Variants in DNAJB6 observed in about 807,000 individuals in gnomAD.
DNAJB6 encodes the protein DnaJ heat shock protein family (Hsp40) member B6, also known as dnaJ homolog subfamily B member 6.
A neutral mutation model predicts 42.7 loss-of-function variants in DNAJB6; 16 were observed. That is an observed-to-expected ratio of 0.37 (90% CI 0.25 to 0.57). DNAJB6 has a LOEUF of 0.57. Ranked by LOEUF, DNAJB6 falls within the 20% of genes least tolerant of loss-of-function variation. The pLI, the probability that DNAJB6 is intolerant of heterozygous loss-of-function variation, is 0.74. For synonymous variants in DNAJB6, 170 were observed against 163.5 expected, an observed-to-expected ratio of 1.04 and a Z score of -0.30; for missense variants, 347 against 416.8, an observed-to-expected ratio of 0.83 and a Z score of 1.46.
chr7:157,388,510 A>G (rs377316446), intron 8 of DNAJB6, among the ~76,000 whole-genome samples: 14 of 152,272 alleles, frequency 9.2e-5, no homozygotes, highest in African/African-American at 3.1e-4. Flanking sequence ...GCACAGCCCC[A>G]TGTGGTCCCA....
At chr7:157,348,381 A>G (rs965943861) in intron 1 of DNAJB6, among the ~76,000 whole-genome samples, 1 of 152,214 alleles carries the variant, frequency 6.6e-6, no homozygotes, top group Non-Finnish European at 1.5e-5. Flanking sequence ...GGCATGAGCC[A>G]CTGCGCCCAG....
intron 8 of DNAJB6, among the ~76,000 whole-genome samples, chr7:157,395,154 C>T (rs1419444127): frequency 1.3e-5 from 2 of 152,170 alleles, no homozygotes; most frequent in Admixed American, 6.5e-5. Context: ...GTTTGTCTTC[C>T]CCATCCGGTA....
At chr7:157,411,285 G>GA (rs1200100673) in intron 9 of DNAJB6, 1 of 31,798 alleles carries the variant, frequency 3.1e-5, no homozygotes, top group African/African-American at 1.1e-4. Context: ...GCGTGGGGAA[G>GA]GTTCCCAGGA....
intron 1 of DNAJB6, among the ~76,000 whole-genome samples, chr7:157,357,801 A>G (rs528651936): frequency 7.2e-5 from 11 of 152,326 alleles, no homozygotes; most frequent in African/African-American, 2.6e-4. Context: ...TGCCCGGGGA[A>G]GTAACAAGGT....
At chr7:157,390,600 TGTG>T (rs1196697468) in intron 8 of DNAJB6, among the ~76,000 whole-genome samples, 1 of 152,124 alleles carries the variant, frequency 6.6e-6, no homozygotes, top group African/African-American at 2.4e-5. Context: ...GTTGCAGAAA[TGTG>T]GGGTGGAGCC....
intron 1 of DNAJB6, among the ~76,000 whole-genome samples, chr7:157,354,356 A>C (rs1799165096): frequency 6.6e-6 from 1 of 152,138 alleles, no homozygotes; most frequent in South Asian, 2.1e-4. Context: ...CATGTTGATC[A>C]GGCTGGTCTC....
intron 1 of DNAJB6, among the ~76,000 whole-genome samples, chr7:157,338,866 G>C (rs1052125548): frequency 5.3e-5 from 8 of 152,182 alleles, no homozygotes; most frequent in Non-Finnish European, 1.0e-4. Context: ...GGAAGCTTTT[G>C]GAAAGTGTCC....
rs111565097 is a variant in DNAJB6 at position 157,396,979 on chromosome 7, A to C, written c.691+11368A>C. On this transcript the variant is annotated intron_variant, in intron 8 of 9. Coordinates refer to ENST00000262177, the MANE Select transcript of DNAJB6 (RefSeq NM_058246.4). Reference sequence around the variant, plus strand: ...TGCCACGGGACGTGATGCCAGTGGTAGCTGAATGTGCCTCACTCCAGGTCC... The same window carrying C: ...TGCCACGGGACGTGATGCCAGTGGTCGCTGAATGTGCCTCACTCCAGGTCC... Among the ~76,000 whole-genome samples the C allele has an allele frequency of 2.1e-3, 321 of 152,324 alleles. 1 individual carries two copies. The highest frequency in any genetic ancestry group is 7.3e-3 in the African/African-American group (305 of 41,562).
intron 8 of DNAJB6, among the ~76,000 whole-genome samples, chr7:157,397,194 C>T (rs900867859): frequency 3.9e-5 from 6 of 152,218 alleles, no homozygotes; most frequent in Non-Finnish European, 5.9e-5. Flanking sequence ...ACCCGAGCGG[C>T]GTGCTTCCTG....
At chr7:157,367,965 A>C (rs182205975) in intron 5 of DNAJB6, among the ~76,000 whole-genome samples, 256 of 151,868 alleles carry the variant, frequency 1.7e-3, no homozygotes, top group Middle Eastern at 3.4e-3. Context: ...ACAACAACAA[A>C]AAAAATACTA....
intron 5 of DNAJB6, among the ~76,000 whole-genome samples, chr7:157,377,452 A>T (rs568848193): frequency 2.0e-5 from 3 of 152,224 alleles, no homozygotes; most frequent in East Asian, 3.9e-4. Flanking sequence ...ATGAGCATAC[A>T]TGTTTTGCTT....
At chr7:157,344,998 T>A (rs914525579) in intron 1 of DNAJB6, among the ~76,000 whole-genome samples, 2 of 152,150 alleles carry the variant, frequency 1.3e-5, no homozygotes, top group Non-Finnish European at 2.9e-5. Flanking sequence ...TATTTTTATT[T>A]ATTTTATTTT....
chr7:157,399,703 C>T (rs1584942036), intron 8 of DNAJB6, among the ~76,000 whole-genome samples: 1 of 152,136 alleles, frequency 6.6e-6, no homozygotes, highest in African/African-American at 2.4e-5. Flanking sequence ...GAGTCTCGCC[C>T]TGTCGCCCAA....
rs1369818007 is a variant in DNAJB6, at chr7:157,416,747, C to G, written c.*649C>G. On this transcript the variant is annotated 3_prime_UTR_variant, in exon 10 of 10. Coordinates refer to ENST00000262177, the MANE Select transcript of DNAJB6 (RefSeq NM_058246.4). ...GTTTTGCTAGATTCCATATTTTTTT[C>G]TTGGATTTTTGCTAATTATTTTTAG... 2 of 152,094 alleles carry G rather than the reference C, an allele frequency of 1.3e-5. No homozygotes were observed. Among genetic ancestry groups the G allele is most frequent in the Non-Finnish European group, 2.9e-5 (2 of 68,008 alleles). 9.4% of individuals were successfully genotyped at this position (152,094 alleles called of 1,614,324 possible).
chr7:157,367,786 G>C (rs1044859869), intron 5 of DNAJB6, among the ~76,000 whole-genome samples: 2 of 152,184 alleles, frequency 1.3e-5, no homozygotes, highest in Admixed American at 6.5e-5. Flanking sequence ...TTGAACCCGG[G>C]AGGCAGAGGT....
At chr7:157,375,677 A>G (rs1187145514) in intron 5 of DNAJB6, among the ~76,000 whole-genome samples, 1 of 152,194 alleles carries the variant, frequency 6.6e-6, no homozygotes, top group Non-Finnish European at 1.5e-5. Context: ...ATTGGCTCCC[A>G]TTGCGTGTTG....
chr7:157,376,307 G>A (rs1442430359), intron 5 of DNAJB6, among the ~76,000 whole-genome samples: 1 of 152,068 alleles, frequency 6.6e-6, no homozygotes, highest in Non-Finnish European at 1.5e-5. Flanking sequence ...CTGTTCTTTA[G>A]ATAGTCAGTT....
chr7:157,379,009 A>G (rs759214119), intron 5 of DNAJB6: 4 of 152,152 alleles, frequency 2.6e-5, no homozygotes, highest in Non-Finnish European at 4.4e-5. Context: ...AATTCAGTGA[A>G]TACCTGAATT....
At chr7:157,341,009 G>T (rs1344550752) in intron 1 of DNAJB6, among the ~76,000 whole-genome samples, 2 of 67,692 alleles carry the variant, frequency 3.0e-5, no homozygotes, top group African/African-American at 5.1e-5. Context: ...CGCGCGCGCA[G>T]GTGGAATCAC....
Sources: gnomAD v4.1 joint callset for allele counts (sites outside exome capture counted in the v4.1 genomes callset) on GRCh38, gnomAD v4.1.1 for gene constraint, MANE v1.5 for transcripts, NCBI Gene and HGNC (gene_info 2026-07-23, HGNC 2026-07-21) for gene names.